NRG3: variants seen among roughly 807,000 people sequenced by gnomAD.
NRG3 encodes neuregulin 3.
Under a neutral mutation model 66.9 loss-of-function variants are expected in NRG3, and 31 were observed. The ratio of observed to expected loss-of-function variants is 0.46; its 90% confidence interval spans 0.35 to 0.63. The LOEUF (loss-of-function observed/expected upper bound fraction) is 0.63, where lower values mean the gene tolerates loss of function less well. NRG3 is among the 20% of genes least tolerant of loss of function. NRG3 has a pLI of 0.00. For synonymous variants in NRG3, 393 were observed against 359.4 expected (o/e 1.09, Z -1.06); for missense variants, 910 against 878.9 (o/e 1.04, Z -0.45).
At chr10:82,959,764 C>G (rs1329362554) in intron 6 of NRG3, among the ~76,000 whole-genome samples, 1 of 152,178 alleles carries the variant, frequency 6.6e-6, no homozygotes, top group Non-Finnish European at 1.5e-5. Flanking sequence ...CCTTCTAATT[C>G]CAAGCCTTAC....
rs535759287 is a variant in NRG3 at position 82,875,778 on chromosome 10, A to G, written c.1054+10341A>G. ...TTTAACAAAGTTATCTTTATTTGAC[A>G]TGGACATTCCAAAGACTCCCAAGCC... On this transcript the variant is annotated intron_variant, in intron 4 of 8. Coordinates refer to ENST00000372141, the MANE Select transcript of NRG3 (RefSeq NM_001010848.4). Among the ~76,000 whole-genome samples, 41 of 152,326 alleles carry G rather than the reference A, an allele frequency of 2.7e-4. No individual in the cohort carries two copies. In the South Asian group the frequency reaches 8.1e-3, roughly 30 times the overall value.
Position 82,161,470 on chromosome 10 carries a change from C to A in NRG3, c.824-197269C>A, listed in dbSNP as rs563268625. On this transcript the variant is annotated intron_variant, in intron 1 of 8. Transcript: ENST00000372141. The stretch of plus-strand genomic sequence containing the variant: ...GCAATCACTTCCCCTTTTTTTGTAC[C>A]TTTAGTAGGCCAGCACTTTGCATAC... Among the ~76,000 whole-genome samples the A allele has an allele frequency of 6.5e-4, 99 of 152,006 alleles. 1 individual carries two copies. Among genetic ancestry groups the A allele is most frequent in the African/African-American group, 2.2e-3 (90 of 41,506 alleles).
intron 1 of NRG3, among the ~76,000 whole-genome samples, chr10:82,221,353 T>C (rs1393220688): frequency 1.3e-5 from 2 of 152,052 alleles, no homozygotes; most frequent in East Asian, 3.9e-4. Flanking sequence ...CAGACTTTGC[T>C]GTCTTCTTTA....
chr10:82,537,313 T>G (rs566383669), intron 2 of NRG3, among the ~76,000 whole-genome samples: 18 of 152,318 alleles, frequency 1.2e-4, no homozygotes, highest in African/African-American at 4.3e-4. Context: ...AACAGGGTAT[T>G]AAAAAATGTT....
chr10:82,277,189 C>T (rs932745308), intron 1 of NRG3, among the ~76,000 whole-genome samples: 4 of 151,766 alleles, frequency 2.6e-5, no homozygotes, highest in Non-Finnish European at 5.9e-5. Context: ...AGCCTTTAAC[C>T]CAGAAAGGCC....
intron 2 of NRG3, among the ~76,000 whole-genome samples, chr10:82,453,234 T>G (rs2091105256): frequency 6.6e-6 from 1 of 152,104 alleles, no homozygotes; most frequent in Admixed American, 6.6e-5. Context: ...TGAGTAAAAT[T>G]TATTTATTTA....
At chr10:82,601,943 C>T (rs1311970090) in intron 2 of NRG3, among the ~76,000 whole-genome samples, 1 of 147,130 alleles carries the variant, frequency 6.8e-6, no homozygotes, top group Non-Finnish European at 1.5e-5. Context: ...GTTAACTAGG[C>T]TTGGTGGTGC....
At chr10:82,801,055 T>C (rs1037327759) in intron 3 of NRG3, among the ~76,000 whole-genome samples, 1 of 152,148 alleles carries the variant, frequency 6.6e-6, no homozygotes, top group Non-Finnish European at 1.5e-5. Flanking sequence ...GATAGAGAAA[T>C]AGTGGTATAG....
At chr10:81,952,697 T>TG (rs1399272168) in intron 1 of NRG3, among the ~76,000 whole-genome samples, 2 of 152,216 alleles carry the variant, frequency 1.3e-5, no homozygotes, top group Non-Finnish European at 2.9e-5. Context: ...CTTGAACTCC[T>TG]GGCTTAAGCG....
chr10:82,152,855 TTTTC>T (rs1215818793), intron 1 of NRG3, among the ~76,000 whole-genome samples: 2 of 149,956 alleles, frequency 1.3e-5, no homozygotes, highest in Non-Finnish European at 3.0e-5. Flanking sequence ...TCTTTCTTTC[TTTTC>T]TTTCTTTTTC....
intron 1 of NRG3, among the ~76,000 whole-genome samples, chr10:82,301,947 T>G (rs984774371): frequency 4.6e-5 from 7 of 151,942 alleles, no homozygotes; most frequent in African/African-American, 7.2e-5. Flanking sequence ...TCTTAGTTAA[T>G]AGACTACCTT....
At chr10:82,604,219 C>A (rs1052048644) in intron 2 of NRG3, among the ~76,000 whole-genome samples, 2 of 152,080 alleles carry the variant, frequency 1.3e-5, no homozygotes, top group East Asian at 3.9e-4. Context: ...CCCCCTGAAC[C>A]CTTGGCAAAC....
intron 2 of NRG3, among the ~76,000 whole-genome samples, chr10:82,491,123 C>G (rs1334506958): frequency 6.6e-6 from 1 of 151,530 alleles, no homozygotes; most frequent in Non-Finnish European, 1.5e-5. Flanking sequence ...GAATTTTGCA[C>G]TGGTTGAGTT....
intron 2 of NRG3, among the ~76,000 whole-genome samples, chr10:82,438,560 G>A (rs1043681909): frequency 6.6e-6 from 1 of 152,204 alleles, no homozygotes; most frequent in African/African-American, 2.4e-5. Flanking sequence ...AGTTGGTGCT[G>A]GTCACCCCTC....
chr10:82,982,561 G>C (rs141301911), intron 8 of NRG3, among the ~76,000 whole-genome samples: 1 of 152,020 alleles, frequency 6.6e-6, no homozygotes, highest in Non-Finnish European at 1.5e-5. Flanking sequence ...CATCATGTCT[G>C]GGGGGAAGTG....
At chr10:82,204,510 T>C (rs1037722669) in intron 1 of NRG3, among the ~76,000 whole-genome samples, 5 of 152,212 alleles carry the variant, frequency 3.3e-5, no homozygotes, top group Admixed American at 3.3e-4. Context: ...CTGCAGTGTT[T>C]CCTTTACTGG....
At chr10:82,457,960 G>C in intron 2 of NRG3, among the ~76,000 whole-genome samples, 1 of 152,216 alleles carries the variant, frequency 6.6e-6, no homozygotes, top group East Asian at 1.9e-4. Flanking sequence ...ACGTCAAAAA[G>C]AGCATGTAAT....
chr10:82,620,108 G>C (rs2048939849), intron 2 of NRG3, among the ~76,000 whole-genome samples: 1 of 152,170 alleles, frequency 6.6e-6, no homozygotes, highest in South Asian at 2.1e-4. Context: ...TGGTGCCTAG[G>C]TGGGGGTGCC....
chr10:82,720,497 T>C (rs2057231186), intron 2 of NRG3, among the ~76,000 whole-genome samples: 2 of 152,120 alleles, frequency 1.3e-5, no homozygotes, highest in East Asian at 1.9e-4. Context: ...GTCTCCATTG[T>C]TGGTTTAATG....
Sources: gnomAD v4.1 joint callset for allele counts (sites outside exome capture counted in the v4.1 genomes callset) on GRCh38, gnomAD v4.1.1 for gene constraint, MANE v1.5 for transcripts, NCBI Gene and HGNC (gene_info 2026-07-23, HGNC 2026-07-21) for gene names.